The following THNSL1 variants were observed in gnomAD, a reference collection of about 807,000 sequenced individuals.
The protein encoded by THNSL1 is threonine synthase-like 1.
A neutral mutation model predicts 50.4 loss-of-function variants in THNSL1; 48 were observed. That is an observed-to-expected ratio of 0.95 (90% CI 0.76 to 1.21). THNSL1 has a LOEUF of 1.21. Among genes scored for constraint, THNSL1 ranks in the 50% most tolerant of loss-of-function variants. THNSL1 has a pLI of 0.00. For synonymous variants in THNSL1, 309 were observed against 306.1 expected, an observed-to-expected ratio of 1.01 and a Z score of -0.10; for missense variants, 896 against 871.7, an observed-to-expected ratio of 1.03 and a Z score of -0.35.
intron 1 of THNSL1, 86 bp downstream of exon 1, chr10:25,016,778 G>T (rs555013305): frequency 6.6e-6 from 1 of 152,608 alleles, no homozygotes; most frequent in East Asian, 1.9e-4. Context: ...TCTTCTCAGT[G>T]AGATTTCCTT....
chr10:24,976,817 A>G, the THNSL1 span, among the ~76,000 whole-genome samples: 1 of 152,168 alleles, frequency 6.6e-6, no homozygotes, highest in Admixed American at 6.5e-5. Flanking sequence ...ACTAGTTAGT[A>G]CTGAACATCA....
chr10:25,011,412 G>T, the THNSL1 span, among the ~76,000 whole-genome samples: 2 of 152,000 alleles, frequency 1.3e-5, no homozygotes, highest in Non-Finnish European at 2.9e-5. Flanking sequence ...TCACTCTGAT[G>T]GTAGTTTCTT....
the THNSL1 span, among the ~76,000 whole-genome samples, chr10:24,970,349 C>T: frequency 6.6e-6 from 1 of 152,152 alleles, no homozygotes; most frequent in African/African-American, 2.4e-5. Flanking sequence ...TGCATATTTA[C>T]ACACTCTTTT....
At chr10:24,975,808 G>A in the THNSL1 span, among the ~76,000 whole-genome samples, 34 of 152,146 alleles carry the variant, frequency 2.2e-4, no homozygotes, top group African/African-American at 7.7e-4. Context: ...GTGTGAAAAC[G>A]AACTAATACA....
At chr10:24,984,447 T>C in the THNSL1 span, 2 of 1,494,032 alleles carry the variant, frequency 1.3e-6, no homozygotes, top group African/African-American at 2.8e-5. Flanking sequence ...GAAATTAATG[T>C]TTATGTGAAA....
At chr10:24,990,648 T>C in the THNSL1 span, 2,356 of 1,567,588 alleles carry the variant, frequency 1.5e-3, 23 homozygotes, top group Middle Eastern at 0.01. Flanking sequence ...CAATATTTTG[T>C]ATGCAATCTT....
upstream of THNSL1, chr10:25,016,021 C>T (rs1312276377): frequency 2.0e-6 from 3 of 1,519,272 alleles, no homozygotes; most frequent in Non-Finnish European, 2.6e-6. Context: ...TCACTGCTTC[C>T]CCTTTCTTTC....
the THNSL1 span, among the ~76,000 whole-genome samples, chr10:24,993,376 C>G: frequency 6.6e-6 from 1 of 152,130 alleles, no homozygotes; most frequent in African/African-American, 2.4e-5. Context: ...TCACTACAAC[C>G]CTGTGATAAA....
chr10:24,984,205 C>A, the THNSL1 span: 84 of 683,190 alleles, frequency 1.2e-4, no homozygotes, highest in Middle Eastern at 2.6e-4. Flanking sequence ...GAAAATATTT[C>A]TCACTGGGAA....
chr10:25,024,139 C>G lies in THNSL1; in HGVS notation c.916C>G (p.Pro306Ala). 6.2e-7 allele frequency: 1 copy of G among 1,614,152 alleles called. No homozygotes were observed. Among genetic ancestry groups the G allele is most frequent in the Admixed American group, 1.7e-5 (1 of 60,026 alleles). ...AAGATGTATCCATCCTGCAGACATA[C>G]CTGCTGCCAGGTTGGGAGAAATGAT... ...LERCIHPADI[P>A]AARLGEMIET... The change falls in exon 3 of 3, where the codon CCT becomes GCT. Residue 306 changes from proline to alanine, a missense_variant. By Grantham distance (27) the Pro-to-Ala change is conservative. Transcript: ENST00000376356.
the THNSL1 span, among the ~76,000 whole-genome samples, chr10:24,962,173 A>G: frequency 1.3e-5 from 2 of 152,256 alleles, no homozygotes; most frequent in Non-Finnish European, 2.9e-5. Flanking sequence ...ACACGCTCCC[A>G]TGAAATTATA....
At chr10:24,996,983 A>G in the THNSL1 span, among the ~76,000 whole-genome samples, 2 of 152,342 alleles carry the variant, frequency 1.3e-5, no homozygotes, top group Admixed American at 1.3e-4. Flanking sequence ...ACACAGACAT[A>G]CATATAAGGA....
the THNSL1 span, among the ~76,000 whole-genome samples, chr10:25,005,070 A>C: frequency 5.3e-5 from 8 of 152,150 alleles, no homozygotes; most frequent in African/African-American, 1.9e-4. Flanking sequence ...GATACTTGTA[A>C]GTGGGCAGTC....
At chr10:24,984,810 C>G in the THNSL1 span, 1 of 1,613,654 alleles carries the variant, frequency 6.2e-7, no homozygotes. Flanking sequence ...TTTCTTCTTC[C>G]AGCCTCTGCT....
In THNSL1 at chr10:25,023,822, G is replaced by C. The variant is rs750913667; in HGVS notation, c.599G>C (p.Arg200Pro). The C allele has an allele frequency of 1.1e-5, 17 of 1,614,086 alleles. No individual in the cohort carries two copies. Among genetic ancestry groups the C allele is most frequent in the Non-Finnish European group, 1.2e-5 (14 of 1,180,042 alleles). The stretch of plus-strand genomic sequence containing the variant: ...TATTATAAGAAGTGGTATGATGCTC[G>C]TGTTTTCTGTGAAAGTGGGGCTTCC... Reference protein sequence around the residue: ...RQYYKKWYDARVFCESGASPE... With the variant: ...RQYYKKWYDAPVFCESGASPE... Residue 200 changes from arginine (R) to proline (P), a missense_variant, in exon 3 of 3, where the codon CGT (arginine) becomes CCT (proline). Transcript: ENST00000376356.
At chr10:24,980,371 C>T in the THNSL1 span, among the ~76,000 whole-genome samples, 3 of 152,204 alleles carry the variant, frequency 2.0e-5, no homozygotes, top group East Asian at 5.8e-4. Flanking sequence ...TTTCCAACTT[C>T]CACTAATTCT....
At chr10:24,967,853 G>A in the THNSL1 span, among the ~76,000 whole-genome samples, 4 of 151,510 alleles carry the variant, frequency 2.6e-5, no homozygotes, top group East Asian at 7.8e-4. Context: ...TATGATGTGT[G>A]CGTATGATGT....
chr10:24,976,686 T>C, the THNSL1 span, among the ~76,000 whole-genome samples: 1 of 151,976 alleles, frequency 6.6e-6, no homozygotes, highest in African/African-American at 2.4e-5. Context: ...AGAGACAGGG[T>C]TTTCACCATG....
At chr10:24,996,897 G>A in the THNSL1 span, among the ~76,000 whole-genome samples, 3 of 152,164 alleles carry the variant, frequency 2.0e-5, no homozygotes, top group African/African-American at 4.8e-5. Context: ...CTTTAAAGAG[G>A]TAATTAAGTC....
Sources: gnomAD v4.1 joint callset for allele counts (sites outside exome capture counted in the v4.1 genomes callset) on GRCh38, gnomAD v4.1.1 for gene constraint, MANE v1.5 for transcripts, NCBI Gene and HGNC (gene_info 2026-07-23, HGNC 2026-07-21) for gene names.